Variants in GALNTL6 observed in about 807,000 individuals in gnomAD.
GALNTL6 encodes polypeptide N-acetylgalactosaminyltransferase-like 6.
GALNTL6 carries 46 observed loss-of-function variants against 73.7 expected under a neutral mutation model. The observed-to-expected ratio is 0.62, with a 90% CI of 0.49 to 0.80. GALNTL6 has a LOEUF of 0.80. Among genes scored for constraint, GALNTL6 ranks in the 30% least tolerant of loss-of-function variants. The pLI, the probability that GALNTL6 is intolerant of heterozygous loss-of-function variation, is 0.00. For synonymous variants in GALNTL6, 259 were observed against 263.7 expected (o/e 0.98, Z 0.17); for missense variants, 604 against 755.0 (o/e 0.80, Z 2.34).
intron 2 of GALNTL6, among the ~76,000 whole-genome samples, chr4:171,914,594 T>G (rs1273879087): frequency 2.0e-5 from 3 of 151,770 alleles, no homozygotes; most frequent in African/African-American, 7.3e-5. Flanking sequence ...TTTTGTATTT[T>G]TAGTAGAGAT....
intron 5 of GALNTL6, among the ~76,000 whole-genome samples, chr4:172,567,404 G>C (rs1235568534): frequency 2.0e-5 from 3 of 151,860 alleles, no homozygotes; most frequent in Admixed American, 1.3e-4. Flanking sequence ...AATACTGGTT[G>C]ATCCAGAATA....
intron 5 of GALNTL6, among the ~76,000 whole-genome samples, chr4:172,439,768 A>G (rs535738797): frequency 6.6e-6 from 1 of 152,084 alleles, no homozygotes; most frequent in African/African-American, 2.4e-5. Flanking sequence ...CAAATAGTCG[A>G]TTTTATTTTT....
At chr4:172,024,707 T>C (rs948684390) in intron 2 of GALNTL6, among the ~76,000 whole-genome samples, 1 of 151,890 alleles carries the variant, frequency 6.6e-6, no homozygotes, top group African/African-American at 2.4e-5. Context: ...TATTTGAGAG[T>C]ATCCAGAAGT....
chr4:172,053,672 T>C (rs1397732909), intron 2 of GALNTL6, among the ~76,000 whole-genome samples: 1 of 152,144 alleles, frequency 6.6e-6, no homozygotes, highest in Non-Finnish European at 1.5e-5. Context: ...TTATAGCTGC[T>C]GACAAAATTT....
At chr4:172,651,250 G>C (rs1291365697) in intron 5 of GALNTL6, among the ~76,000 whole-genome samples, 1 of 152,118 alleles carries the variant, frequency 6.6e-6, no homozygotes, top group Non-Finnish European at 1.5e-5. Context: ...GCCAACTGTT[G>C]GACTTTGACT....
At chr4:172,680,833 G>A (rs1198038077) in intron 5 of GALNTL6, among the ~76,000 whole-genome samples, 1 of 152,204 alleles carries the variant, frequency 6.6e-6, no homozygotes. Context: ...ATGATTCCCT[G>A]CAGAATGCAA....
chr4:172,732,130 TG>T (rs754159983), intron 5 of GALNTL6, among the ~76,000 whole-genome samples: 1 of 152,162 alleles, frequency 6.6e-6, no homozygotes, highest in Non-Finnish European at 1.5e-5. Context: ...TTACTGAGAA[TG>T]GGATGTTAAC....
chr4:171,871,036 C>A (rs1419153978), intron 2 of GALNTL6, among the ~76,000 whole-genome samples: 1 of 152,002 alleles, frequency 6.6e-6, no homozygotes, highest in Admixed American at 6.6e-5. Flanking sequence ...GATCATTACA[C>A]AATTAAAAAT....
At chr4:173,029,328 A>G (rs911382072) in intron 12 of GALNTL6, among the ~76,000 whole-genome samples, 7 of 152,234 alleles carry the variant, frequency 4.6e-5, no homozygotes, top group African/African-American at 1.7e-4. Flanking sequence ...TACTCAAGAC[A>G]GATCCCAAAT....
At chr4:171,910,305 A>C (rs965027013) in intron 2 of GALNTL6, among the ~76,000 whole-genome samples, 2 of 152,038 alleles carry the variant, frequency 1.3e-5, no homozygotes. Context: ...TTTTGAAAGT[A>C]GGTTTTGTAC....
At chr4:172,183,045 G>T (rs1354592643) in intron 2 of GALNTL6, among the ~76,000 whole-genome samples, 1 of 152,142 alleles carries the variant, frequency 6.6e-6, no homozygotes, top group Non-Finnish European at 1.5e-5. Flanking sequence ...CTGATTTGCT[G>T]TACAACCTAA....
chr4:172,798,841 G>T (rs1033964062), intron 5 of GALNTL6, among the ~76,000 whole-genome samples: 1 of 152,182 alleles, frequency 6.6e-6, no homozygotes, highest in African/African-American at 2.4e-5. Flanking sequence ...AGGCTTTAGA[G>T]AGAAAAATCA....
intron 2 of GALNTL6, among the ~76,000 whole-genome samples, chr4:172,059,204 T>C (rs1254529523): frequency 6.6e-6 from 1 of 152,178 alleles, no homozygotes; most frequent in Admixed American, 6.5e-5. Flanking sequence ...GTGTTCTCTA[T>C]GAGAAGGAAG....
intron 5 of GALNTL6, among the ~76,000 whole-genome samples, chr4:172,775,856 A>C (rs2110880549): frequency 6.6e-6 from 1 of 152,318 alleles, no homozygotes; most frequent in African/African-American, 2.4e-5. Flanking sequence ...ATGTTGCAGA[A>C]GCCCATATGG....
At chr4:172,387,877 A>G (rs563012480) in intron 5 of GALNTL6, among the ~76,000 whole-genome samples, 1 of 152,206 alleles carries the variant, frequency 6.6e-6, no homozygotes, top group East Asian at 1.9e-4. Flanking sequence ...CCTCCTTCTG[A>G]GACATTTTCA....
chr4:172,574,414 G>T (rs62330000), intron 5 of GALNTL6, among the ~76,000 whole-genome samples: 7 of 150,642 alleles, frequency 4.6e-5, no homozygotes, highest in Non-Finnish European at 1.0e-4. Flanking sequence ...TAAATAAATT[G>T]TTTATTATTA....
At chr4:173,008,672 C>T (rs1453417220) in intron 10 of GALNTL6, among the ~76,000 whole-genome samples, 1 of 152,150 alleles carries the variant, frequency 6.6e-6, no homozygotes, top group Non-Finnish European at 1.5e-5. Context: ...ATTGATTGGT[C>T]ACAGAGAGCA....
intron 2 of GALNTL6, among the ~76,000 whole-genome samples, chr4:171,997,510 G>C (rs936800897): frequency 4.6e-5 from 7 of 152,054 alleles, no homozygotes; most frequent in African/African-American, 1.4e-4. Context: ...TTAGCCTACT[G>C]TTGGGCATAA....
intron 2 of GALNTL6, among the ~76,000 whole-genome samples, chr4:171,872,338 A>C (rs1736160294): frequency 6.6e-6 from 1 of 152,132 alleles, no homozygotes; most frequent in Non-Finnish European, 1.5e-5. Context: ...TATTATATAC[A>C]TATGTTATTC....
Sources: allele counts gnomAD v4.1 joint callset (sites outside exome capture counted in the v4.1 genomes callset), GRCh38; gene constraint gnomAD v4.1.1; transcripts MANE v1.5; gene names NCBI Gene and HGNC (gene_info 2026-07-23, HGNC 2026-07-21).